The following LYPD1 variants were observed in gnomAD, a reference collection of about 807,000 sequenced individuals.
LYPD1 encodes the protein ly6/PLAUR domain-containing protein 1.
A neutral mutation model predicts 14.2 loss-of-function variants in LYPD1; 14 were observed. The observed-to-expected ratio is 0.99, with a 90% CI of 0.65 to 1.54. The LOEUF is 1.54. LYPD1 is among the 40% of genes most tolerant of loss of function. The pLI, the probability that LYPD1 is intolerant of heterozygous loss-of-function variation, is 0.00. For missense variants in LYPD1, 165 were observed against 175.7 expected (o/e 0.94, Z 0.34); for synonymous variants, 85 against 70.6 (o/e 1.20, Z -1.02).
In LYPD1 at chr2:132,645,408, G is replaced by A; in HGVS notation, c.*637C>T. 6.2e-7 allele frequency: 1 copy of A among 1,613,530 alleles called. No individual in the cohort carries two copies. Among genetic ancestry groups the A allele is most frequent in the South Asian group, 1.1e-5 (1 of 91,056 alleles). Reference sequence around the variant, plus strand: ...CCACCACCGACAGCGCCCGCTTTGTGCAGCGCCCGTTGCTCTTCGCGTCCC... The same window carrying A: ...CCACCACCGACAGCGCCCGCTTTGTACAGCGCCCGTTGCTCTTCGCGTCCC... On this transcript the variant is annotated 3_prime_UTR_variant, in exon 3 of 3. Transcript: ENST00000397463.
Position 132,645,613 on chromosome 2 carries a change from A to C in LYPD1, c.*432T>G. The C allele has an allele frequency of 6.2e-7, 1 of 1,605,844 alleles. No homozygotes were observed. The highest frequency in any genetic ancestry group is 1.1e-5 in the South Asian group (1 of 89,930). On this transcript the variant is annotated 3_prime_UTR_variant, in exon 3 of 3. Transcript: ENST00000397463. Reference sequence around the variant, plus strand: ...TCAGGAGCATGAAGTTTGAATGTCAAGCGAGGGAGCCTTGAGTGGGAACTG... The same window carrying C: ...TCAGGAGCATGAAGTTTGAATGTCACGCGAGGGAGCCTTGAGTGGGAACTG...
chr2:132,659,356 AAG>A (rs765568019), intron 2 of LYPD1, among the ~76,000 whole-genome samples: 7 of 152,122 alleles, frequency 4.6e-5, no homozygotes, highest in South Asian at 2.1e-4. Flanking sequence ...TAGAGAGAGA[AAG>A]AGAGAGAGAG....
intron 2 of LYPD1, among the ~76,000 whole-genome samples, chr2:132,664,754 ACT>A (rs1363431352): frequency 1.3e-5 from 2 of 152,152 alleles, no homozygotes; most frequent in Admixed American, 6.5e-5. Flanking sequence ...AAGAGGAAAA[ACT>A]CTAATTACAA....
At chr2:132,660,611 G>T (rs935839216) in intron 2 of LYPD1, 2 of 152,144 alleles carry the variant, frequency 1.3e-5, no homozygotes, top group African/African-American at 2.4e-5. Flanking sequence ...TTACAGGTAT[G>T]GCCTCTTTTG....
chr2:132,652,654 T>C (rs920403828), intron 2 of LYPD1, among the ~76,000 whole-genome samples: 12 of 152,152 alleles, frequency 7.9e-5, no homozygotes, highest in African/African-American at 2.7e-4. Flanking sequence ...GACCAAGTCA[T>C]TTCTCACGGC....
At chr2:132,671,468 C>T (rs1020892931), upstream of LYPD1, 5 of 152,250 alleles carry the variant, frequency 3.3e-5, no homozygotes, top group Admixed American at 3.3e-4. Context: ...CAGAGCTGGT[C>T]TGTAAAGGGG....
In LYPD1 at chr2:132,670,167, G is replaced by C; in HGVS notation, c.-235C>G. The stretch of plus-strand genomic sequence containing the variant: ...CTCCTCCCGCTCGCGCTCCCGGGCC[G>C]AGCACCGCGCCTCCGGAGTTGGCGG... On this transcript the variant is annotated 5_prime_UTR_variant, in exon 1 of 3. Transcript: ENST00000397463. This position sits in a 1 kb window ranked among gnomAD's most constrained non-coding sequence, Gnocchi z 4.5. 2 of 1,333,310 alleles carry C rather than the reference G, an allele frequency of 1.5e-6. No homozygotes were observed. The highest frequency in any genetic ancestry group is 3.2e-5 in the East Asian group (1 of 31,278). 82.6% of individuals were successfully genotyped at this position (1,333,310 alleles called of 1,614,324 possible).
At position 132,669,830 on chromosome 2, in the gene LYPD1, A is replaced by G. The variant is rs370451698; in HGVS notation, c.52+51T>C. 17 of 1,601,734 alleles carry G rather than the reference A, an allele frequency of 1.1e-5. No homozygotes were observed. The African/African-American group carries it at 1.1e-4, about 10-fold the overall frequency. On this transcript the variant is annotated intron_variant, in intron 1 of 2. Transcript: ENST00000397463. This position sits in a 1 kb window ranked among gnomAD's most constrained non-coding sequence, Gnocchi z 4.3. Reference sequence around the variant, plus strand: ...CTTGGGGGCAAAAGGGCTGGCGGGTAGATGGATTGTGCGCACCTGGCCTCG... The same window carrying G: ...CTTGGGGGCAAAAGGGCTGGCGGGTGGATGGATTGTGCGCACCTGGCCTCG...
intron 2 of LYPD1, among the ~76,000 whole-genome samples, chr2:132,657,605 A>G (rs1218853247): frequency 6.6e-6 from 1 of 152,178 alleles, no homozygotes; most frequent in Non-Finnish European, 1.5e-5. Context: ...GCACCCTTAT[A>G]TTTGTCACCA....
chr2:132,657,402 T>C (rs1034713800), intron 2 of LYPD1, among the ~76,000 whole-genome samples: 2 of 152,220 alleles, frequency 1.3e-5, no homozygotes, highest in Admixed American at 6.5e-5. Context: ...TATGAAGCTG[T>C]GCTGTTGCAT....
intron 2 of LYPD1, among the ~76,000 whole-genome samples, chr2:132,648,483 T>TAACA (rs1553462854): frequency 0.52 from 78,978 of 151,900 alleles, 20,859 homozygotes; most frequent in South Asian, 0.58. Context: ...TGCACACAGT[T>TAACA]GTATCACATC....
In LYPD1 at chr2:132,655,514, A is replaced by ATTTTTTTTTTTTTTT. The variant is rs1180944589; in HGVS notation, c.191-9249_191-9235dup. Among the ~76,000 whole-genome samples, 32 of 99,452 alleles carry ATTTTTTTTTTTTTTT rather than the reference A, an allele frequency of 3.2e-4. 3 individuals carry two copies. Among genetic ancestry groups the ATTTTTTTTTTTTTTT allele is most frequent in the African/African-American group, 1.3e-3 (26 of 20,796 alleles). 65.2% of individuals were successfully genotyped at this position (99,452 alleles called of 152,430 possible). A position where few individuals can be genotyped will look rare whatever the true frequency, so the allele number is the denominator to read the frequency against. On this transcript the variant is annotated intron_variant, in intron 2 of 2. Coordinates refer to ENST00000397463, the MANE Select transcript of LYPD1 (RefSeq NM_144586.7). The stretch of plus-strand genomic sequence containing the variant: ...ATGATTCTCTTGGGGGTTGAGAAGC[A>ATTTTTTTTTTTTTTT]TTTTTTTTTTTTTTTTTTGAGATGG...
chr2:132,644,905 GT>G lies in LYPD1; in HGVS notation c.*1139del, dbSNP rs141510593. 0.013 allele frequency: 7,932 copies of G among 611,450 alleles called. 497 individuals carry two copies. The African/African-American group carries it at 0.13, about 10-fold the overall frequency. 37.9% of individuals were successfully genotyped at this position (611,450 alleles called of 1,614,324 possible). On this transcript the variant is annotated 3_prime_UTR_variant, in exon 3 of 3. Coordinates refer to ENST00000397463, the MANE Select transcript of LYPD1 (RefSeq NM_144586.7). Reference sequence around the variant, plus strand: ...TCTTTAACACAGCCAACTCCCCCGGGTTTGAAACAGTGTTAAATTCTCTCTT... The same window carrying G: ...TCTTTAACACAGCCAACTCCCCCGGGTTGAAACAGTGTTAAATTCTCTCTT...
At chr2:132,655,403 G>A (rs1046750462) in intron 2 of LYPD1, among the ~76,000 whole-genome samples, 2 of 151,966 alleles carry the variant, frequency 1.3e-5, no homozygotes, top group African/African-American at 4.8e-5. Flanking sequence ...GAGAAAGAAG[G>A]TTGATAACCA....
rs748232362 is a variant in LYPD1 at position 132,668,470 on chromosome 2, G to A, written c.120C>T (p.Pro40=). 1.9e-6 allele frequency: 3 copies of A among 1,611,810 alleles called. No individual in the cohort carries two copies. Among genetic ancestry groups the A allele is most frequent in the East Asian group, 2.2e-5 (1 of 44,712 alleles). ...TCACCGTGCAATTCACAATGAACTC[G>A]GGGGAGGAGCAGTCGTTGTTCAGCT... ...EFQLNNDCSS[P]EFIVNCTVNV... The change falls in exon 2 of 3, where the codon CCC becomes CCT. Residue 40 remains proline (P), a synonymous_variant. Transcript: ENST00000397463.
At chr2:132,651,108 C>T (rs369064073) in intron 2 of LYPD1, among the ~76,000 whole-genome samples, 25 of 152,314 alleles carry the variant, frequency 1.6e-4, no homozygotes, top group East Asian at 9.6e-4. Flanking sequence ...TTGTCTCTGG[C>T]GTGAGATTCT....
chr2:132,651,186 C>T (rs1049703884), intron 2 of LYPD1, among the ~76,000 whole-genome samples: 4 of 152,134 alleles, frequency 2.6e-5, no homozygotes, highest in South Asian at 2.1e-4. Flanking sequence ...ATCAGAACCA[C>T]GAGAAGAATG....
At chr2:132,667,412 T>G (rs957176084) in intron 2 of LYPD1, among the ~76,000 whole-genome samples, 5 of 152,104 alleles carry the variant, frequency 3.3e-5, no homozygotes, top group Non-Finnish European at 7.4e-5. Context: ...TTTCCCAAGG[T>G]GTTGGCTTTG....
chr2:132,661,352 C>A (rs890118809), intron 2 of LYPD1, among the ~76,000 whole-genome samples: 3 of 152,226 alleles, frequency 2.0e-5, no homozygotes, highest in African/African-American at 7.2e-5. Flanking sequence ...CGAAAACTCA[C>A]TGGAATGGCT....
Sources: allele counts gnomAD v4.1 joint callset (sites outside exome capture counted in the v4.1 genomes callset), GRCh38; gene constraint gnomAD v4.1.1; non-coding constraint Gnocchi (gnomAD v3.1); transcripts MANE v1.5; gene names NCBI Gene and HGNC (gene_info 2026-07-23, HGNC 2026-07-21).